Variants in ANTXR1 observed in about 807,000 individuals in gnomAD.
The protein encoded by ANTXR1 is ANTXR cell adhesion molecule 1.
ANTXR1 carries 19 observed loss-of-function variants against 78.1 expected under a neutral mutation model. The observed-to-expected ratio is 0.24, with a 90% CI of 0.17 to 0.36. The LOEUF (loss-of-function observed/expected upper bound fraction) is 0.36. Among genes scored for constraint, ANTXR1 ranks in the 10% least tolerant of loss-of-function variants. ANTXR1 has a pLI of 1.00. For synonymous variants in ANTXR1, 273 were observed against 260.5 expected, an observed-to-expected ratio of 1.05 and a Z score of -0.46; for missense variants, 518 against 718.6, an observed-to-expected ratio of 0.72 and a Z score of 3.19.
chr2:69,193,476 C>CACAT, intron 17 of ANTXR1, 61 bp downstream of exon 17: 2 of 1,289,542 alleles, frequency 1.6e-6, no homozygotes, highest in East Asian at 2.3e-5. Flanking sequence ...CACACACACA[C>CACAT]ACACACACAC....
chr2:69,145,410 A>G (rs755035768), intron 12 of ANTXR1: 1 of 1,573,554 alleles, frequency 6.4e-7, no homozygotes, highest in South Asian at 1.2e-5. Flanking sequence ...CGGACAGCAC[A>G]CTCCTGAAAA....
At chr2:69,192,694 G>T (rs904167892) in intron 16 of ANTXR1, among the ~76,000 whole-genome samples, 1 of 152,240 alleles carries the variant, frequency 6.6e-6, no homozygotes, top group Admixed American at 6.5e-5. Context: ...CATCAGTTGT[G>T]AAAGCCTTTG....
chr2:69,154,938 A>G (rs997347833), intron 13 of ANTXR1, among the ~76,000 whole-genome samples: 1 of 152,182 alleles, frequency 6.6e-6, no homozygotes, highest in Non-Finnish European at 1.5e-5. Context: ...GTTACTAGCT[A>G]CAAAGGCCAG....
chr2:69,210,373 A>G (rs1675010874), intron 17 of ANTXR1, among the ~76,000 whole-genome samples: 1 of 152,218 alleles, frequency 6.6e-6, no homozygotes, highest in Non-Finnish European at 1.5e-5. Context: ...ACCTTTAGAA[A>G]CACATTCAAG....
intron 12 of ANTXR1, chr2:69,145,281 C>A (rs1284399059): frequency 1.3e-6 from 2 of 1,545,056 alleles, no homozygotes; most frequent in Non-Finnish European, 1.8e-6. Context: ...AGGGGAGTAG[C>A]CCTTATAATT....
chr2:69,171,515 G>A (rs1191504485), intron 14 of ANTXR1, among the ~76,000 whole-genome samples: 1 of 152,214 alleles, frequency 6.6e-6, no homozygotes, highest in East Asian at 1.9e-4. Flanking sequence ...ATAGAGCAAG[G>A]AGCTCCCTTA....
intron 14 of ANTXR1, among the ~76,000 whole-genome samples, chr2:69,178,236 C>T (rs920591463): frequency 6.6e-6 from 1 of 152,198 alleles, no homozygotes; most frequent in African/African-American, 2.4e-5. Flanking sequence ...CCTTCTCTTC[C>T]TGGGGATTGC....
At chr2:69,156,414 C>G (rs1312742706) in intron 13 of ANTXR1, among the ~76,000 whole-genome samples, 2 of 152,192 alleles carry the variant, frequency 1.3e-5, no homozygotes, top group Non-Finnish European at 2.9e-5. Context: ...CACTGGCTTC[C>G]TCCCTCTGCC....
At chr2:69,238,201 C>CTCAG (rs1249023158) in intron 17 of ANTXR1, among the ~76,000 whole-genome samples, 1 of 152,188 alleles carries the variant, frequency 6.6e-6, no homozygotes, top group African/African-American at 2.4e-5. Flanking sequence ...ATTGGTCTAG[C>CTCAG]TCAGCATAGT....
chr2:69,163,109 C>G (rs1175673857), intron 13 of ANTXR1, among the ~76,000 whole-genome samples: 1 of 151,748 alleles, frequency 6.6e-6, no homozygotes, highest in Non-Finnish European at 1.5e-5. Flanking sequence ...TTTAAATAAA[C>G]AGGTGAAGTT....
In ANTXR1 at chr2:69,192,145, G is replaced by A. The variant is rs571100696; in HGVS notation, c.1354-1190G>A. On this transcript the variant is annotated intron_variant, in intron 16 of 17. Transcript: ENST00000303714. Reference sequence around the variant, plus strand: ...AAATTAACATAGAATATATCAGGGAGTGAGAAGGACTGTATTAATTTCCTC... The same window carrying A: ...AAATTAACATAGAATATATCAGGGAATGAGAAGGACTGTATTAATTTCCTC... 8.6e-4 allele frequency among the ~76,000 whole-genome samples: 131 copies of A among 152,336 alleles called. 1 individual carries two copies. The highest frequency in any genetic ancestry group is 3.0e-3 in the African/African-American group (125 of 41,572).
At chr2:69,053,973 GCCA>G (rs1325864698) in intron 3 of ANTXR1, among the ~76,000 whole-genome samples, 1 of 152,086 alleles carries the variant, frequency 6.6e-6, no homozygotes, top group Admixed American at 6.6e-5. Flanking sequence ...TCAAATGGAA[GCCA>G]CCAATATGTG....
chr2:69,150,018 G>A (rs1039515488), intron 12 of ANTXR1, among the ~76,000 whole-genome samples: 44 of 152,160 alleles, frequency 2.9e-4, no homozygotes, highest in Admixed American at 2.0e-4. Context: ...GCCCTGCACC[G>A]GCACTTGTGA....
chr2:69,061,507 A>C (rs1573825934), intron 3 of ANTXR1, among the ~76,000 whole-genome samples: 1 of 96,536 alleles, frequency 1.0e-5, no homozygotes, highest in South Asian at 3.2e-4. Flanking sequence ...ACAACTGCCA[A>C]AAAAAAAAAA....
intron 12 of ANTXR1, among the ~76,000 whole-genome samples, chr2:69,131,571 A>G (rs554154368): frequency 9.8e-5 from 15 of 152,306 alleles, no homozygotes; most frequent in African/African-American, 3.1e-4. Context: ...TATCGCCCCT[A>G]TGTTTCTTGA....
chr2:69,205,069 A>C (rs1169098572), intron 17 of ANTXR1, among the ~76,000 whole-genome samples: 1 of 152,196 alleles, frequency 6.6e-6, no homozygotes, highest in Admixed American at 6.5e-5. Flanking sequence ...TGGAGTGTAC[A>C]CTGGAGTGGT....
chr2:69,088,306 G>A (rs1043557597), intron 8 of ANTXR1, among the ~76,000 whole-genome samples: 3 of 152,116 alleles, frequency 2.0e-5, no homozygotes, highest in African/African-American at 7.2e-5. Context: ...GTGTGTTTGG[G>A]GAATGGGAAC....
In ANTXR1 at chr2:69,013,676, C is replaced by A. The variant is rs374934229; in HGVS notation, c.152+25C>A. 266 of 1,551,480 alleles carry A rather than the reference C, an allele frequency of 1.7e-4. 4 individuals carry two copies. Among genetic ancestry groups the A allele is most frequent in the South Asian group, 1.7e-3 (141 of 84,062 alleles). ...AGTAAGTGCCGCGAGTTGTCCCCCC[C>A]ACCCCAGGCTAAGCGGGCGAAAACG... On this transcript the variant is annotated intron_variant, in intron 1 of 17. Transcript: ENST00000303714. The surrounding 1 kb of genome is among the most constrained non-coding windows in gnomAD (Gnocchi z 5.0).
chr2:69,229,949 A>G (rs1209496397), intron 17 of ANTXR1, among the ~76,000 whole-genome samples: 1 of 151,836 alleles, frequency 6.6e-6, no homozygotes, highest in Non-Finnish European at 1.5e-5. Context: ...AAGAAACAAT[A>G]TTTAGGATGT....
Sources: gnomAD v4.1 joint callset for allele counts (sites outside exome capture counted in the v4.1 genomes callset) on GRCh38, gnomAD v4.1.1 for gene constraint, Gnocchi (gnomAD v3.1) non-coding constraint, MANE v1.5 for transcripts, NCBI Gene and HGNC (gene_info 2026-07-23, HGNC 2026-07-21) for gene names.